Variants in BYSL observed in about 807,000 individuals in gnomAD.
The protein encoded by BYSL is bystin.
BYSL carries 21 observed loss-of-function variants against 45.4 expected under a neutral mutation model. The ratio of observed to expected loss-of-function variants is 0.46; its 90% CI spans 0.33 to 0.67. The LOEUF (loss-of-function observed/expected upper bound fraction) is 0.67. BYSL is among the 30% of genes least tolerant of loss of function. The pLI is 0.02. For synonymous variants in BYSL, 215 were observed against 231.3 expected (o/e 0.93, Z 0.64); for missense variants, 522 against 578.5 (o/e 0.90, Z 1.00).
intron 1 of BYSL, among the ~76,000 whole-genome samples, chr6:41,922,446 G>C (rs1233695981): frequency 6.6e-6 from 1 of 152,194 alleles, no homozygotes; most frequent in East Asian, 1.9e-4. Context: ...AGGGAGTGTT[G>C]ACCTCTGAGG....
At chr6:41,914,583 A>G in the BYSL span, among the ~76,000 whole-genome samples, 29 of 151,922 alleles carry the variant, frequency 1.9e-4, no homozygotes, top group African/African-American at 6.8e-4. Context: ...TGCAGAGCCA[A>G]GACTAAGACA....
chr6:41,931,224 T>C (rs1430410130), intron 4 of BYSL, among the ~76,000 whole-genome samples, 172 bp from the exon 5 acceptor site: 4 of 131,752 alleles, frequency 3.0e-5, no homozygotes, highest in African/African-American at 1.2e-4. Flanking sequence ...TCCTATTCTC[T>C]CTCTAAGCTG....
At chr6:41,930,041 AG>A (rs1407172987) in intron 2 of BYSL, 90 bp from the exon 3 acceptor site, 10 of 1,521,368 alleles carry the variant, frequency 6.6e-6, no homozygotes, top group African/African-American at 1.4e-5. Context: ...CGGTGCTCAC[AG>A]GGGACTGTGG....
the BYSL span, chr6:41,909,377 A>G: frequency 3.7e-6 from 6 of 1,614,212 alleles, no homozygotes; most frequent in Non-Finnish European, 5.1e-6. Context: ...TGCTGGCCTT[A>G]GCACTCTGGA....
chr6:41,924,553 C>T (rs75173045), intron 1 of BYSL, among the ~76,000 whole-genome samples: 4,425 of 152,242 alleles, frequency 0.029, 75 homozygotes, highest in Non-Finnish European at 0.045. Flanking sequence ...GCCAGCACCC[C>T]GAACAGTGCC....
chr6:41,909,533 C>T, the BYSL span: 35 of 1,611,998 alleles, frequency 2.2e-5, 3 homozygotes, highest in South Asian at 3.5e-4. Flanking sequence ...CTGCAAGGGA[C>T]AGAGATCCTA....
At chr6:41,920,991 C>T (rs764631322), upstream of BYSL, 3 of 1,611,722 alleles carry the variant, frequency 1.9e-6, no homozygotes, top group East Asian at 2.2e-5. Context: ...CCACAAAACC[C>T]CCTGCAGTCC....
chr6:41,928,697 T>C (rs1775596393), intron 2 of BYSL, among the ~76,000 whole-genome samples: 1 of 152,156 alleles, frequency 6.6e-6, no homozygotes, highest in Non-Finnish European at 1.5e-5. Context: ...GCCATTTAGT[T>C]TGGGGGCACA....
intron 1 of BYSL, among the ~76,000 whole-genome samples, chr6:41,922,163 AAAC>A (rs977389544): frequency 2.6e-5 from 4 of 152,340 alleles, no homozygotes; most frequent in South Asian, 4.1e-4. Flanking sequence ...GTACAGAAGT[AAAC>A]AACACAGGCA....
the BYSL span, among the ~76,000 whole-genome samples, chr6:41,911,409 C>T: frequency 2.6e-5 from 4 of 152,122 alleles, no homozygotes; most frequent in East Asian, 2.0e-4. Context: ...CCTCAGCCTC[C>T]GAAAGGGCTG....
rs41273804 is a variant in BYSL, at chr6:41,931,427, G to A, written c.736G>A (p.Ala246Thr). The part of the protein sequence containing the change: ...IFASNLKERM[A>T]QRFYNLVLLP... The stretch of plus-strand genomic sequence containing the variant: ...TGCCTCTAACCTGAAGGAACGCATG[G>A]CCCAGCGCTTCTACAACCTTGTCCT... Residue 246 changes from alanine to threonine, a missense_variant, in exon 5 of 7, where the codon GCC becomes ACC. Physicochemically the swap from Ala to Thr is moderately conservative, Grantham distance 58. Coordinates refer to ENST00000230340, the MANE Select transcript of BYSL (RefSeq NM_004053.4). 2.1e-4 allele frequency: 339 copies of A among 1,614,168 alleles called. 1 individual carries two copies. In the Middle Eastern group the frequency reaches 3.1e-3, roughly 15 times the overall value.
At chr6:41,921,467 G>A, upstream of BYSL, 1 of 1,452,700 alleles carries the variant, frequency 6.9e-7, no homozygotes, top group Non-Finnish European at 9.1e-7. Flanking sequence ...TGATCGCCGG[G>A]CGGCCTCTTG....
chr6:41,921,797 C>G lies in BYSL; in HGVS notation c.235C>G (p.Pro79Ala), dbSNP rs746457420. The change falls in exon 1 of 7, where the codon CCC (proline) becomes GCC (alanine). Residue 79 changes from proline to alanine, a missense_variant. Transcript: ENST00000230340. ...GGCCGAGCATGGGACTGGGGACAAG[C>G]CCGCGGCGCCGCGGGAACGCACCAC... ...LEAEHGTGDKPAAPRERTTRL... is the reference protein window; with the variant it reads ...LEAEHGTGDKAAAPRERTTRL... 4 of 1,612,256 alleles carry G rather than the reference C, an allele frequency of 2.5e-6. No homozygotes were observed. The highest frequency in any genetic ancestry group is 2.5e-6 in the Non-Finnish European group (3 of 1,179,544).
At chr6:41,918,434 G>A (rs1391907252), upstream of BYSL, among the ~76,000 whole-genome samples, 2 of 151,580 alleles carry the variant, frequency 1.3e-5, no homozygotes, top group Admixed American at 6.6e-5. Context: ...AAACCAGGAG[G>A]CGGAGGTTGC....
At chr6:41,909,160 C>T in the BYSL span, 1 of 1,428,996 alleles carries the variant, frequency 7.0e-7, no homozygotes, top group Non-Finnish European at 9.4e-7. Context: ...GGTGACAGAA[C>T]AAGACTCTGT....
chr6:41,916,843 T>C (rs1350908869), upstream of BYSL: 1 of 1,613,974 alleles, frequency 6.2e-7, no homozygotes, highest in Admixed American at 1.7e-5. Flanking sequence ...CACAAAATGT[T>C]CCTTGCTTCT....
chr6:41,921,175 G>A (rs1181582339), upstream of BYSL: 7 of 934,340 alleles, frequency 7.5e-6, no homozygotes, highest in South Asian at 1.8e-5. Flanking sequence ...CCTTCCCCAA[G>A]GAATGGGGCG....
the BYSL span, among the ~76,000 whole-genome samples, chr6:41,910,078 GTCTTATCTACCATGCCT>G: frequency 6.6e-6 from 1 of 152,032 alleles, no homozygotes; most frequent in East Asian, 1.9e-4. Flanking sequence ...GCTGTGATAG[GTCTTATCTACCATGCCT>G]CAAGAAGTTT....
At chr6:41,921,399 T>C, upstream of BYSL, 1 of 967,476 alleles carries the variant, frequency 1.0e-6, no homozygotes, top group Non-Finnish European at 1.5e-6. Context: ...CGGGAGCTCT[T>C]TTAGTGGGAG....
Sources: gnomAD v4.1 joint callset for allele counts (sites outside exome capture counted in the v4.1 genomes callset) on GRCh38, gnomAD v4.1.1 for gene constraint, MANE v1.5 for transcripts, NCBI Gene and HGNC (gene_info 2026-07-23, HGNC 2026-07-21) for gene names.